RPS6KC1: variants seen among roughly 807,000 people sequenced by gnomAD.
The protein encoded by RPS6KC1 is ribosomal protein S6 kinase C1.
A neutral mutation model predicts 103.8 loss-of-function variants in RPS6KC1; 54 were observed. The ratio of observed to expected loss-of-function variants is 0.52; its 90% CI spans 0.42 to 0.65. The LOEUF is 0.65. Ranked by LOEUF, RPS6KC1 falls within the 30% of genes least tolerant of loss-of-function variation. The probability of loss-of-function intolerance (pLI) is 0.00; values close to 1 mark genes in which losing one functional copy is unlikely to be tolerated. For missense variants in RPS6KC1, 1,151 were observed against 1,253.8 expected (o/e 0.92, Z 1.24); for synonymous variants, 439 against 438.7 (o/e 1.00, Z -0.01).
the RPS6KC1 span, among the ~76,000 whole-genome samples, chr1:213,810,691 C>G: frequency 1.3e-5 from 2 of 152,180 alleles, no homozygotes; most frequent in African/African-American, 4.8e-5. Context: ...CTCCAACCAC[C>G]AACACCAGTA....
the RPS6KC1 span, among the ~76,000 whole-genome samples, chr1:213,615,571 C>T: frequency 6.6e-6 from 1 of 152,230 alleles, no homozygotes; most frequent in South Asian, 2.1e-4. Flanking sequence ...AAGAGCAAGA[C>T]ATCTTGCAGA....
chr1:213,573,705 A>T, the RPS6KC1 span, among the ~76,000 whole-genome samples: 1 of 152,260 alleles, frequency 6.6e-6, no homozygotes, highest in Non-Finnish European at 1.5e-5. Context: ...TGATATCAAG[A>T]AGTGCTTCTG....
intron 8 of RPS6KC1, among the ~76,000 whole-genome samples, chr1:213,204,716 T>C (rs547182513): frequency 9.0e-4 from 136 of 151,916 alleles, no homozygotes; most frequent in Non-Finnish European, 4.0e-4. Flanking sequence ...CCCGACGTCT[T>C]GGGCTCAAGG....
chr1:213,363,806 CT>C, the RPS6KC1 span, among the ~76,000 whole-genome samples: 1,352 of 52,622 alleles, frequency 0.026, 175 homozygotes, highest in Middle Eastern at 0.048. Flanking sequence ...TTCTTTCTTT[CT>C]TTCTTTCTTC....
chr1:213,709,000 G>C, the RPS6KC1 span, among the ~76,000 whole-genome samples: 1 of 152,144 alleles, frequency 6.6e-6, no homozygotes, highest in African/African-American at 2.4e-5. Flanking sequence ...AGGGATATCG[G>C]CCTGAAATTT....
At chr1:213,081,298 C>T (rs1164146257) in intron 3 of RPS6KC1, among the ~76,000 whole-genome samples, 1 of 152,142 alleles carries the variant, frequency 6.6e-6, no homozygotes, top group Non-Finnish European at 1.5e-5. Flanking sequence ...AGATTGCTTC[C>T]ACTCATGGCA....
At chr1:213,703,389 CACAGTT>C in the RPS6KC1 span, among the ~76,000 whole-genome samples, 3 of 152,020 alleles carry the variant, frequency 2.0e-5, no homozygotes, top group Non-Finnish European at 4.4e-5. Context: ...ATTTACACAC[CACAGTT>C]ACAGTGTTAT....
At chr1:213,506,188 TTTC>T in the RPS6KC1 span, among the ~76,000 whole-genome samples, 1 of 152,208 alleles carries the variant, frequency 6.6e-6, no homozygotes, top group Middle Eastern at 3.2e-3. Context: ...ATTGCTGTCC[TTTC>T]TTCTGAAAAT....
the RPS6KC1 span, among the ~76,000 whole-genome samples, chr1:213,682,187 C>T: frequency 2.0e-5 from 3 of 152,196 alleles, no homozygotes; most frequent in Non-Finnish European, 4.4e-5. Flanking sequence ...TTACTGTTCC[C>T]TCTGCTTGCA....
At chr1:213,598,440 T>C in the RPS6KC1 span, among the ~76,000 whole-genome samples, 1 of 152,166 alleles carries the variant, frequency 6.6e-6, no homozygotes, top group Non-Finnish European at 1.5e-5. Context: ...CTATGTGACC[T>C]GGGAAAAGTT....
At chr1:213,512,574 C>G in the RPS6KC1 span, among the ~76,000 whole-genome samples, 1 of 152,164 alleles carries the variant, frequency 6.6e-6, no homozygotes, top group Non-Finnish European at 1.5e-5. Flanking sequence ...GCTGGAGTTC[C>G]AGCAGGATTA....
chr1:213,740,443 A>G, the RPS6KC1 span, among the ~76,000 whole-genome samples: 1 of 152,142 alleles, frequency 6.6e-6, no homozygotes, highest in African/African-American at 2.4e-5. Context: ...AAATATTAGC[A>G]CAGTTAACTC....
At chr1:213,052,483 A>C (rs547973605) in intron 1 of RPS6KC1, among the ~76,000 whole-genome samples, 13 of 152,326 alleles carry the variant, frequency 8.5e-5, no homozygotes, top group African/African-American at 3.1e-4. Context: ...GAAGAGAGGT[A>C]CAGATTAAGT....
the RPS6KC1 span, among the ~76,000 whole-genome samples, chr1:213,454,239 T>C: frequency 1.3e-5 from 2 of 152,198 alleles, no homozygotes; most frequent in Non-Finnish European, 2.9e-5. Context: ...CCATGCTCTT[T>C]GAACAAACAA....
the RPS6KC1 span, among the ~76,000 whole-genome samples, chr1:213,687,425 G>T: frequency 7.3e-6 from 1 of 136,086 alleles, no homozygotes; most frequent in Non-Finnish European, 1.7e-5. Flanking sequence ...GAGATTCCAT[G>T]ATGTCCACAC....
chr1:213,342,331 T>A, the RPS6KC1 span, among the ~76,000 whole-genome samples: 2 of 152,226 alleles, frequency 1.3e-5, no homozygotes, highest in Non-Finnish European at 2.9e-5. Context: ...CTGGAGAAGT[T>A]TCATCATCTT....
chr1:213,114,756 G>A (rs1271605565), intron 4 of RPS6KC1, among the ~76,000 whole-genome samples: 1 of 152,128 alleles, frequency 6.6e-6, no homozygotes, highest in African/African-American at 2.4e-5. Context: ...AGAGTTTTTA[G>A]CACGAAGGGT....
At chr1:213,577,427 T>C in the RPS6KC1 span, among the ~76,000 whole-genome samples, 3 of 152,246 alleles carry the variant, frequency 2.0e-5, no homozygotes, top group Non-Finnish European at 4.4e-5. Flanking sequence ...GAAAGTGGGA[T>C]ACTGCTAAAC....
At chr1:213,728,502 C>T in the RPS6KC1 span, among the ~76,000 whole-genome samples, 9 of 152,264 alleles carry the variant, frequency 5.9e-5, no homozygotes, top group African/African-American at 2.2e-4. Flanking sequence ...TCCATGCCAG[C>T]CCTACCCGCT....
Sources: allele counts gnomAD v4.1 joint callset (sites outside exome capture counted in the v4.1 genomes callset), GRCh38; gene constraint gnomAD v4.1.1; transcripts MANE v1.5; gene names NCBI Gene and HGNC (gene_info 2026-07-23, HGNC 2026-07-21).